LARGE1: variants seen among roughly 807,000 people sequenced by gnomAD.
LARGE1 encodes the protein xylosyl- and glucuronyltransferase LARGE1.
Under a neutral mutation model 87.6 loss-of-function variants are expected in LARGE1, and 43 were observed. That is an observed-to-expected ratio of 0.49 (90% CI 0.38 to 0.63). LARGE1 has a LOEUF of 0.63. Among genes scored for constraint, LARGE1 ranks in the 30% least tolerant of loss-of-function variants. LARGE1 has a pLI of 0.00. For synonymous variants in LARGE1, 434 were observed against 394.6 expected (o/e 1.10, Z -1.18); for missense variants, 802 against 1,000.2 (o/e 0.80, Z 2.67).
At chr22:33,175,319 A>C (rs1345414959) in intron 11 of LARGE1, among the ~76,000 whole-genome samples, 1 of 152,148 alleles carries the variant, frequency 6.6e-6, no homozygotes, top group Non-Finnish European at 1.5e-5. Context: ...GAAGGGAGAG[A>C]GAAAGAAATA....
chr22:33,887,986 G>T (rs1043005550), intron 1 of LARGE1, among the ~76,000 whole-genome samples: 1 of 152,160 alleles, frequency 6.6e-6, no homozygotes, highest in Admixed American at 6.5e-5. Context: ...GCTCAGGCTG[G>T]CCAGGTTCTC....
At chr22:33,633,727 T>C (rs997565346) in intron 3 of LARGE1, among the ~76,000 whole-genome samples, 3 of 152,206 alleles carry the variant, frequency 2.0e-5, no homozygotes, top group East Asian at 1.9e-4. Flanking sequence ...AGGTGTGCTA[T>C]GGAAAGACAG....
chr22:33,369,703 G>T (rs2064738035), intron 9 of LARGE1, among the ~76,000 whole-genome samples: 1 of 152,034 alleles, frequency 6.6e-6, no homozygotes, highest in Non-Finnish European at 1.5e-5. Context: ...TGAGTAGCTG[G>T]GATTACAGGT....
At position 33,277,325 on chromosome 22, in the gene LARGE1, G is replaced by A. The variant is rs984984229; in HGVS notation, c.1878-70C>T. ...AAGCTCTCCAAATGCAGCCGATGTG[G>A]AGGAAGAAGGGGTGTACACTGATGT... On this transcript the variant is annotated intron_variant, in intron 13 of 14. Coordinates refer to ENST00000397394, the MANE Select transcript of LARGE1 (RefSeq NM_133642.5). 11 of 1,424,116 alleles carry A rather than the reference G, an allele frequency of 7.7e-6. No individual in the cohort carries two copies. In the African/African-American group the frequency reaches 1.3e-4, roughly 16 times the overall value. The allele number at this position is 1,424,116 out of a possible 1,614,324, so 88.2% of individuals were successfully genotyped here. A position where few individuals can be genotyped will look rare whatever the true frequency, so the allele number is the denominator to read the frequency against.
At chr22:33,414,731 A>G (rs2066426562) in intron 7 of LARGE1, among the ~76,000 whole-genome samples, 1 of 152,092 alleles carries the variant, frequency 6.6e-6, no homozygotes, top group Non-Finnish European at 1.5e-5. Flanking sequence ...AGAGGATGGT[A>G]TTGGGGAGTT....
intron 2 of LARGE1, among the ~76,000 whole-genome samples, chr22:33,695,252 C>A (rs973491392): frequency 7.9e-5 from 12 of 151,984 alleles, no homozygotes; most frequent in Middle Eastern, 3.4e-3. Flanking sequence ...TACAGGCGCA[C>A]GCCACCATAC....
intron 11 of LARGE1, among the ~76,000 whole-genome samples, chr22:33,309,764 T>G (rs1935356704): frequency 1.3e-5 from 2 of 152,104 alleles, no homozygotes; most frequent in Non-Finnish European, 2.9e-5. Flanking sequence ...AACAATGGGC[T>G]CAGCATGTTC....
chr22:33,564,896 A>G lies in LARGE1; in HGVS notation c.739T>C (p.Phe247Leu). ...RVIVLDTDIT[F>L]ATDIAELWAV... is the part of the protein sequence containing the mutation. Reference sequence around the variant, plus strand: ...CACAGCTCTGCAATGTCAGTGGCAAAGGTGATATCCGTGTCAAGGACGATG... The same window carrying G: ...CACAGCTCTGCAATGTCAGTGGCAAGGGTGATATCCGTGTCAAGGACGATG... Residue 247 changes from phenylalanine (F) to leucine (L), a missense_variant, in exon 6 of 15, where the codon TTT becomes CTT. Physicochemically the swap from Phe to Leu is conservative, Grantham distance 22. Around this residue, in one of 2 missense-constraint regions of LARGE1, gnomAD observed 625 missense variants for 841.9 expected, o/e 0.74. Coordinates refer to ENST00000397394, the MANE Select transcript of LARGE1 (RefSeq NM_133642.5). The G allele has an allele frequency of 1.2e-6, 2 of 1,614,210 alleles. No homozygotes were observed. The highest frequency in any genetic ancestry group is 1.7e-6 in the Non-Finnish European group (2 of 1,180,030).
At chr22:33,872,962 T>C (rs1337175184) in intron 1 of LARGE1, 2 of 151,748 alleles carry the variant, frequency 1.3e-5, no homozygotes, top group African/African-American at 4.9e-5. Flanking sequence ...ATTGCACCAC[T>C]GCACTCCAGC....
chr22:33,667,122 T>C (rs531138016), intron 2 of LARGE1, among the ~76,000 whole-genome samples: 2 of 152,348 alleles, frequency 1.3e-5, no homozygotes, highest in Admixed American at 1.3e-4. Flanking sequence ...GCCCGGTGCA[T>C]GCACCCACGT....
intron 5 of LARGE1, among the ~76,000 whole-genome samples, chr22:33,602,332 A>G (rs2079134372): frequency 6.6e-6 from 1 of 151,890 alleles, no homozygotes; most frequent in African/African-American, 2.4e-5. Context: ...AAAATGATAC[A>G]ATCATTTAGC....
intron 1 of LARGE1, among the ~76,000 whole-genome samples, chr22:33,799,590 A>G (rs149240043): frequency 0.018 from 2,788 of 152,072 alleles, 75 homozygotes; most frequent in African/African-American, 0.063. Flanking sequence ...ACAGGCATGC[A>G]CCACCACGCC....
Position 33,304,268 on chromosome 22 carries a change from A to G in LARGE1, c.1691T>C (p.Ile564Thr). Reference protein sequence around the residue: ...ISTPYMFLSDIDFLPMYGLYE... With the variant: ...ISTPYMFLSDTDFLPMYGLYE... Reference sequence around the variant, plus strand: ...GAGCCCATACATGGGCAGGAAGTCAATGTCAGACAGGAACATGTAGGGAGT... The same window carrying G: ...GAGCCCATACATGGGCAGGAAGTCAGTGTCAGACAGGAACATGTAGGGAGT... The change falls in exon 12 of 15, where the codon ATT (isoleucine) becomes ACT (threonine). Residue 564 changes from isoleucine to threonine, a missense_variant. Transcript: ENST00000397394. 2 of 1,614,262 alleles carry G rather than the reference A, an allele frequency of 1.2e-6. No homozygotes were observed. Among genetic ancestry groups the G allele is most frequent in the East Asian group, 2.2e-5 (1 of 44,888 alleles).
intron 2 of LARGE1, among the ~76,000 whole-genome samples, chr22:33,677,350 G>A (rs1338415813): frequency 2.0e-5 from 3 of 150,414 alleles, no homozygotes; most frequent in Non-Finnish European, 3.0e-5. Flanking sequence ...AAAAAGGACA[G>A]TTTAACATAA....
At chr22:33,664,252 C>T (rs1379127138) in intron 2 of LARGE1, among the ~76,000 whole-genome samples, 1 of 152,176 alleles carries the variant, frequency 6.6e-6, no homozygotes, top group Non-Finnish European at 1.5e-5. Context: ...ACATCCAAAC[C>T]ACAGCCTTGG....
At chr22:33,580,520 T>C (rs1233573242) in intron 5 of LARGE1, among the ~76,000 whole-genome samples, 3 of 152,322 alleles carry the variant, frequency 2.0e-5, no homozygotes, top group South Asian at 2.1e-4. Flanking sequence ...TATTTCATTA[T>C]GTGACAGGTG....
rs780141371 is a variant in LARGE1 at position 33,414,815 on chromosome 22, C to T, written c.892+17346G>A. On this transcript the variant is annotated intron_variant, in intron 7 of 14. Transcript: ENST00000397394. ...GGGATTTGTGCCCTTATAAAAGAGA[C>T]CCCAGAGAGCTAGCTCATCCCTTTC... Among the ~76,000 whole-genome samples the T allele has an allele frequency of 2.6e-5, 4 of 152,104 alleles. No individual in the cohort carries two copies. In the East Asian group the frequency reaches 7.7e-4, roughly 29 times the overall value.
At chr22:33,706,444 A>G (rs1311937633) in intron 2 of LARGE1, among the ~76,000 whole-genome samples, 2 of 152,182 alleles carry the variant, frequency 1.3e-5, no homozygotes, top group Admixed American at 6.5e-5. Flanking sequence ...ATCCTGGTAT[A>G]AGGGGTGAGC....
At chr22:33,799,903 G>A (rs538620440) in intron 1 of LARGE1, among the ~76,000 whole-genome samples, 3 of 152,280 alleles carry the variant, frequency 2.0e-5, no homozygotes, top group South Asian at 4.2e-4. Flanking sequence ...TCTGAAGTAG[G>A]AACTAGAATT....
Sources: allele counts gnomAD v4.1 joint callset (sites outside exome capture counted in the v4.1 genomes callset), GRCh38; gene constraint gnomAD v4.1.1; regional missense constraint gnomAD v4.1.1; transcripts MANE v1.5; gene names NCBI Gene and HGNC (gene_info 2026-07-23, HGNC 2026-07-21).